Variants in MTUS2 observed in about 807,000 individuals in gnomAD.
MTUS2 encodes microtubule associated scaffold protein 2.
MTUS2 carries 40 observed loss-of-function variants against 114.1 expected under a neutral mutation model. The ratio of observed to expected loss-of-function variants is 0.35; its 90% CI spans 0.27 to 0.46. The LOEUF (loss-of-function observed/expected upper bound fraction) is 0.46. Ranked by LOEUF, MTUS2 falls within the 20% of genes least tolerant of loss-of-function variation. The pLI is 1.00. For synonymous variants in MTUS2, 688 were observed against 672.0 expected, an observed-to-expected ratio of 1.02 and a Z score of -0.37; for missense variants, 1,679 against 1,705.4, an observed-to-expected ratio of 0.98 and a Z score of 0.27.
At chr13:28,899,222 T>A (rs1050944983) in intron 2 of MTUS2, among the ~76,000 whole-genome samples, 3 of 152,176 alleles carry the variant, frequency 2.0e-5, no homozygotes, top group African/African-American at 7.2e-5. Flanking sequence ...TTAAATCAAG[T>A]TTAGCCTGAA....
chr13:29,019,219 A>G (rs1886193880), intron 2 of MTUS2, among the ~76,000 whole-genome samples: 1 of 152,170 alleles, frequency 6.6e-6, no homozygotes, highest in South Asian at 2.1e-4. Context: ...CAGTGGCTGC[A>G]GGGACTGGTG....
At chr13:29,085,906 T>C (rs1889671817) in intron 4 of MTUS2, among the ~76,000 whole-genome samples, 1 of 152,154 alleles carries the variant, frequency 6.6e-6, no homozygotes, top group Non-Finnish European at 1.5e-5. Flanking sequence ...ACCTGCAGAG[T>C]ATAAGCATTC....
Position 29,480,240 on chromosome 13 carries a change from A to G in MTUS2, c.3275A>G (p.Gln1092Arg), listed in dbSNP as rs2138894780. ...GACGAGGTGAAGAGGCTGGGCTGGC[A>G]GCAGCAGGCCGAGCTCCAGGAGCTG... is the stretch of plus-strand genomic sequence containing the variant. ...FEDEVKRLGW[Q>R]QQAELQELEE... is the part of the protein sequence containing the mutation. Residue 1092 changes from glutamine (Q) to arginine (R), a missense_variant, in exon 10 of 16, where the codon CAG becomes CGG. This residue lies in a region of MTUS2 where 822 missense variants were observed against 899.7 expected (regional missense o/e 0.91). Coordinates refer to ENST00000612955, the MANE Select transcript of MTUS2 (RefSeq NM_001033602.4). The surrounding 1 kb of genome is among the most constrained non-coding windows in gnomAD (Gnocchi z 4.4). 2 of 1,553,602 alleles carry G rather than the reference A, an allele frequency of 1.3e-6. No individual in the cohort carries two copies. Among genetic ancestry groups the G allele is most frequent in the East Asian group, 2.4e-5 (1 of 41,134 alleles).
chr13:28,907,192 A>T (rs1287884926), intron 2 of MTUS2, among the ~76,000 whole-genome samples: 2 of 151,474 alleles, frequency 1.3e-5, no homozygotes, highest in African/African-American at 4.9e-5. Context: ...CTTTACAGAC[A>T]AGCAAATGCT....
chr13:29,057,963 T>G (rs1888216868), intron 4 of MTUS2, among the ~76,000 whole-genome samples: 1 of 152,172 alleles, frequency 6.6e-6, no homozygotes, highest in South Asian at 2.1e-4. Flanking sequence ...TAGCACTCCC[T>G]TAAGGACCTC....
At chr13:28,889,550 T>G (rs999638002) in intron 2 of MTUS2, among the ~76,000 whole-genome samples, 1 of 152,196 alleles carries the variant, frequency 6.6e-6, no homozygotes, top group Admixed American at 6.5e-5. Context: ...TTTCAAGGAT[T>G]CCACGTGTTC....
At chr13:29,098,326 T>A (rs61945851) in intron 4 of MTUS2, among the ~76,000 whole-genome samples, 1,618 of 152,336 alleles carry the variant, frequency 0.011, 14 homozygotes, top group Non-Finnish European at 0.018. Flanking sequence ...ATTCATGAGC[T>A]TAATCTGCTA....
chr13:29,228,630 A>C (rs1206586938), intron 5 of MTUS2, among the ~76,000 whole-genome samples: 1 of 152,116 alleles, frequency 6.6e-6, no homozygotes, highest in African/African-American at 2.4e-5. Flanking sequence ...CTGTGTGTGT[A>C]CATATATGCT....
At chr13:29,470,368 A>G (rs925010100) in intron 9 of MTUS2, among the ~76,000 whole-genome samples, 1 of 152,146 alleles carries the variant, frequency 6.6e-6, no homozygotes, top group African/African-American at 2.4e-5. Flanking sequence ...ATTGTGACCC[A>G]GAGGGGAATT....
At chr13:29,116,214 A>C (rs1046652225) in intron 5 of MTUS2, among the ~76,000 whole-genome samples, 22 of 152,216 alleles carry the variant, frequency 1.4e-4, no homozygotes, top group African/African-American at 4.8e-4. Context: ...GACAAAAGGG[A>C]TAAATTGAGA....
At position 29,406,596 on chromosome 13, in the gene MTUS2, C is replaced by T. The variant is rs551491225; in HGVS notation, c.3118-33387C>T. ...ATCTAACTTGGAAGTGACATACCAT[C>T]ACCTCTGCTATATACTACTGGTGAC... On this transcript the variant is annotated intron_variant, in intron 8 of 15. Transcript: ENST00000612955. Among the ~76,000 whole-genome samples, 11 of 152,280 alleles carry T rather than the reference C, an allele frequency of 7.2e-5. No individual in the cohort carries two copies. In the East Asian group the frequency reaches 2.1e-3, roughly 29 times the overall value.
intron 5 of MTUS2, among the ~76,000 whole-genome samples, chr13:29,270,761 C>T (rs1225085734): frequency 6.6e-6 from 1 of 152,192 alleles, no homozygotes; most frequent in African/African-American, 2.4e-5. Context: ...GCTGCTGCTC[C>T]TTATCCTGCA....
chr13:28,948,788 C>T (rs1260862835), intron 2 of MTUS2, among the ~76,000 whole-genome samples: 2 of 152,144 alleles, frequency 1.3e-5, no homozygotes, highest in African/African-American at 2.4e-5. Flanking sequence ...AACAGCATGT[C>T]TTGGGCCCCC....
In MTUS2 at chr13:29,196,411, T is replaced by A. The variant is rs549731538; in HGVS notation, c.2645-85293T>A. ...ATTAGTTTCTTTAATCTCAGATTTT[T>A]AAAAATATTAATATTTTTCCTCAAT... On this transcript the variant is annotated intron_variant, in intron 5 of 15. Coordinates refer to ENST00000612955, the MANE Select transcript of MTUS2 (RefSeq NM_001033602.4). Among the ~76,000 whole-genome samples the A allele has an allele frequency of 2.4e-4, 31 of 130,994 alleles. No homozygotes were observed. The South Asian group carries it at 6.2e-3, about 26-fold the overall frequency. 85.9% of individuals were successfully genotyped at this position (130,994 alleles called of 152,430 possible). A position where few individuals can be genotyped will look rare whatever the true frequency, so the allele number is the denominator to read the frequency against.
intron 5 of MTUS2, among the ~76,000 whole-genome samples, chr13:29,254,376 A>G (rs1006756524): frequency 1.3e-5 from 2 of 152,226 alleles, no homozygotes; most frequent in Admixed American, 6.5e-5. Context: ...AGGCTGTGGG[A>G]TAGAGTGGGG....
At chr13:28,829,209 G>A (rs906298745) in intron 1 of MTUS2, among the ~76,000 whole-genome samples, 5 of 152,036 alleles carry the variant, frequency 3.3e-5, no homozygotes, top group African/African-American at 7.2e-5. Flanking sequence ...TCCTTCATCC[G>A]CAGCTCCATT....
intron 2 of MTUS2, among the ~76,000 whole-genome samples, chr13:29,011,199 C>T (rs935834174): frequency 2.0e-5 from 3 of 152,064 alleles, no homozygotes; most frequent in African/African-American, 4.8e-5. Flanking sequence ...ATTTCTAAAG[C>T]GATTTTTATA....
chr13:29,023,509 A>G (rs74041708), intron 2 of MTUS2, among the ~76,000 whole-genome samples: 9,696 of 152,246 alleles, frequency 0.064, 370 homozygotes, highest in African/African-American at 0.089. Context: ...ATTTGAGAAT[A>G]AGTTAGAAAA....
chr13:29,036,136 T>C (rs1373147729), intron 4 of MTUS2, among the ~76,000 whole-genome samples: 3 of 94,356 alleles, frequency 3.2e-5, no homozygotes, highest in African/African-American at 1.4e-4. Context: ...AGAGTGAGAC[T>C]GTCTCAAAAA....
Sources: allele counts gnomAD v4.1 joint callset (sites outside exome capture counted in the v4.1 genomes callset), GRCh38; gene constraint gnomAD v4.1.1; regional missense constraint gnomAD v4.1.1; non-coding constraint Gnocchi (gnomAD v3.1); transcripts MANE v1.5; gene names NCBI Gene and HGNC (gene_info 2026-07-23, HGNC 2026-07-21).